The following RPGRIP1L variants were observed in gnomAD, a reference collection of about 807,000 sequenced individuals.
RPGRIP1L encodes RPGRIP1 like.
Under a neutral mutation model 160.4 loss-of-function variants are expected in RPGRIP1L, and 131 were observed. That is an observed-to-expected ratio of 0.82 (90% CI 0.71 to 0.94). RPGRIP1L has a LOEUF of 0.94. RPGRIP1L is among the 40% of genes least tolerant of loss of function. RPGRIP1L has a pLI of 0.00. For synonymous variants in RPGRIP1L, 510 were observed against 515.8 expected, an observed-to-expected ratio of 0.99 and a Z score of 0.15; for missense variants, 1,522 against 1,535.8, an observed-to-expected ratio of 0.99 and a Z score of 0.15.
intron 19 of RPGRIP1L, 87 bp from the exon 20 acceptor site, chr16:53,638,498 C>T: frequency 1.4e-6 from 1 of 724,220 alleles, no homozygotes; most frequent in South Asian, 1.7e-5. Flanking sequence ...TATTGAACTA[C>T]TAAAAATTGG....
At position 53,602,007 on chromosome 16, in the gene RPGRIP1L, A is replaced by G. The variant is rs1963399024; in HGVS notation, c.*69T>C. ...ATTATATACACCAGAGTAATTACAA[A>G]AATCTCATGTAGGAACTTTCATGTG... is the stretch of plus-strand genomic sequence containing the variant. On this transcript the variant is annotated 3_prime_UTR_variant, in exon 27 of 27. Transcript: ENST00000647211. 1 of 924,976 alleles carries G rather than the reference A, an allele frequency of 1.1e-6. No homozygotes were observed. Among genetic ancestry groups the G allele is most frequent in the African/African-American group, 1.6e-5 (1 of 60,656 alleles). 57.3% of individuals were successfully genotyped at this position (924,976 alleles called of 1,614,324 possible).
Position 53,696,145 on chromosome 16 carries a change from CA to C in RPGRIP1L, c.230+5del. On this transcript the variant is annotated splice_donor_5th_base_variant and intron_variant, in intron 3 of 26. Coordinates refer to ENST00000647211, the MANE Select transcript of RPGRIP1L (RefSeq NM_015272.5). ...AGAAAAAAAGCTAAAAGCTTTTTAT[CA>C]TAACCTTTTAATTTTATCCTCCTGC... The C allele has an allele frequency of 6.2e-6, 10 of 1,613,396 alleles. No homozygotes were observed. The highest frequency in any genetic ancestry group is 8.5e-6 in the Non-Finnish European group (10 of 1,179,678).
chr16:53,673,722 A>G (rs1417912364), intron 7 of RPGRIP1L, among the ~76,000 whole-genome samples: 2 of 152,058 alleles, frequency 1.3e-5, no homozygotes, highest in African/African-American at 4.8e-5. Context: ...TAAATGACAC[A>G]TGGCTATTGA....
At position 53,601,059 on chromosome 16, in the gene RPGRIP1L, T is replaced by C. The variant is rs1047358399; in HGVS notation, c.*1017A>G. 3.3e-5 allele frequency: 5 copies of C among 152,630 alleles called. No homozygotes were observed. Among genetic ancestry groups the C allele is most frequent in the Non-Finnish European group, 5.9e-5 (4 of 68,034 alleles). 9.5% of individuals were successfully genotyped at this position (152,630 alleles called of 1,614,324 possible). On this transcript the variant is annotated 3_prime_UTR_variant, in exon 27 of 27. Coordinates refer to ENST00000647211, the MANE Select transcript of RPGRIP1L (RefSeq NM_015272.5). ...ATCCTAGACCTCTAGAGACAATTCCTTTGCAGCATTGATTCACAGCTCCAT... is the reference window on the plus strand; with the variant it reads ...ATCCTAGACCTCTAGAGACAATTCCCTTGCAGCATTGATTCACAGCTCCAT...
intron 9 of RPGRIP1L, among the ~76,000 whole-genome samples, chr16:53,670,689 G>T (rs944436447): frequency 3.3e-5 from 5 of 152,170 alleles, no homozygotes; most frequent in East Asian, 1.9e-4. Flanking sequence ...AGAGACAATT[G>T]TAAGTGGACA....
In RPGRIP1L at chr16:53,598,518, C is replaced by T. The variant is rs1040658650; in HGVS notation, c.*3558G>A. 6.6e-6 allele frequency: 1 copy of T among 152,116 alleles called. No individual in the cohort carries two copies. Among genetic ancestry groups the T allele is most frequent in the Non-Finnish European group, 1.5e-5 (1 of 68,014 alleles). The allele number at this position is 152,116 out of a possible 1,614,324, so 9.4% of individuals were successfully genotyped here. On this transcript the variant is annotated 3_prime_UTR_variant, in exon 27 of 27. Coordinates refer to ENST00000647211, the MANE Select transcript of RPGRIP1L (RefSeq NM_015272.5). ...CTTTGAAATGGAAGTGAAAATTCTACCTTGTAAGATAAAAGAGATTAGGAT... is the reference window on the plus strand; with the variant it reads ...CTTTGAAATGGAAGTGAAAATTCTATCTTGTAAGATAAAAGAGATTAGGAT...
At chr16:53,608,629 A>G (rs1963832627) in intron 25 of RPGRIP1L, among the ~76,000 whole-genome samples, 1 of 152,198 alleles carries the variant, frequency 6.6e-6, no homozygotes, top group Non-Finnish European at 1.5e-5. Context: ...TACAATGTCT[A>G]TAACTTTAGA....
chr16:53,626,705 TGAGGCAGGAGAATCGCTTGAACATGG>T lies in RPGRIP1L; in HGVS notation c.3295-4375_3295-4350del, dbSNP rs1383874229. Among the ~76,000 whole-genome samples the T allele has an allele frequency of 6.0e-5, 9 of 150,422 alleles. No individual in the cohort carries two copies. The Admixed American group carries it at 6.0e-4, about 10-fold the overall frequency. ...CTGTAATCCCGGCTACTCGGGAGGCTGAGGCAGGAGAATCGCTTGAACATGGGAGGCAGAGGTTTCAGTGAGGTGAG... is the reference window on the plus strand; with the variant it reads ...CTGTAATCCCGGCTACTCGGGAGGCTGAGGCAGAGGTTTCAGTGAGGTGAG... On this transcript the variant is annotated intron_variant, in intron 22 of 26. Transcript: ENST00000647211.
intron 9 of RPGRIP1L, among the ~76,000 whole-genome samples, chr16:53,669,356 C>T (rs770218348): frequency 1.3e-5 from 2 of 151,914 alleles, no homozygotes; most frequent in Non-Finnish European, 2.9e-5. Context: ...TCATTACACA[C>T]ATTTACTTCC....
At chr16:53,635,789 C>T (rs1193457815) in intron 22 of RPGRIP1L, among the ~76,000 whole-genome samples, 2 of 152,090 alleles carry the variant, frequency 1.3e-5, no homozygotes, top group African/African-American at 2.4e-5. Flanking sequence ...TTTTACTCTA[C>T]TTACATTTAC....
intron 22 of RPGRIP1L, among the ~76,000 whole-genome samples, chr16:53,625,537 G>A (rs376685302): frequency 4.8e-5 from 7 of 146,970 alleles, no homozygotes; most frequent in African/African-American, 1.8e-4. Context: ...GGGCGCCTCC[G>A]CCCGGCAGCC....
intron 6 of RPGRIP1L, among the ~76,000 whole-genome samples, chr16:53,679,541 C>T (rs555997913): frequency 6.8e-6 from 1 of 147,952 alleles, no homozygotes; most frequent in East Asian, 2.4e-4. Context: ...GCTGGGACTA[C>T]AGGCATGTGC....
chr16:53,630,893 C>T (rs1023921707), intron 22 of RPGRIP1L, among the ~76,000 whole-genome samples: 3 of 151,964 alleles, frequency 2.0e-5, no homozygotes, highest in Non-Finnish European at 2.9e-5. Context: ...CCAACACGCC[C>T]GGCTAATTTT....
chr16:53,701,086 T>C (rs1179800745), intron 1 of RPGRIP1L, among the ~76,000 whole-genome samples: 1 of 152,228 alleles, frequency 6.6e-6, no homozygotes, highest in African/African-American at 2.4e-5. Context: ...GCTCTATCAT[T>C]AACAAACTAG....
In RPGRIP1L at chr16:53,598,249, CAAT is replaced by C. The variant is rs1166550540; in HGVS notation, c.*3824_*3826del. On this transcript the variant is annotated 3_prime_UTR_variant, in exon 27 of 27. Coordinates refer to ENST00000647211, the MANE Select transcript of RPGRIP1L (RefSeq NM_015272.5). ...TTCTAGGGATGAAAAAGGTGACTCTCAATAGAGTGAGAAGAGGCAAAAAGCAGA... is the reference window on the plus strand; with the variant it reads ...TTCTAGGGATGAAAAAGGTGACTCTCAGAGTGAGAAGAGGCAAAAAGCAGA... 3.9e-5 allele frequency: 6 copies of C among 152,088 alleles called. 1 individual carries two copies. The highest frequency in any genetic ancestry group is 1.3e-4 in the Admixed American group (2 of 15,264). 9.4% of individuals were successfully genotyped at this position (152,088 alleles called of 1,614,324 possible). A position where few individuals can be genotyped will look rare whatever the true frequency, so the allele number is the denominator to read the frequency against.
At chr16:53,632,031 TTGTAAATGAAATGAAA>T (rs1965551851) in intron 22 of RPGRIP1L, among the ~76,000 whole-genome samples, 2 of 152,186 alleles carry the variant, frequency 1.3e-5, no homozygotes. Context: ...CTCATAAATG[TTGTAAATGAAATGAAA>T]CAAAATGAAG....
In RPGRIP1L at chr16:53,691,307, T is replaced by C. The variant is rs75761378; in HGVS notation, c.529+759A>G. Among the ~76,000 whole-genome samples, 3 of 152,296 alleles carry C rather than the reference T, an allele frequency of 2.0e-5. No individual in the cohort carries two copies. The East Asian group carries it at 5.8e-4, about 29-fold the overall frequency. On this transcript the variant is annotated intron_variant, in intron 4 of 26. Coordinates refer to ENST00000647211, the MANE Select transcript of RPGRIP1L (RefSeq NM_015272.5). ...TTATTGAATTGTGGTTCCATTATAATAAAGTTTCTCTGTGGGTGAAGAGAA... is the reference window on the plus strand; with the variant it reads ...TTATTGAATTGTGGTTCCATTATAACAAAGTTTCTCTGTGGGTGAAGAGAA...
At chr16:53,619,442 C>T (rs1177908639) in intron 23 of RPGRIP1L, among the ~76,000 whole-genome samples, 3 of 152,164 alleles carry the variant, frequency 2.0e-5, no homozygotes, top group Non-Finnish European at 2.9e-5. Context: ...GCAATAGTCT[C>T]CTGATTTACA....
intron 26 of RPGRIP1L, among the ~76,000 whole-genome samples, chr16:53,605,028 A>C (rs552778101): frequency 7.9e-5 from 12 of 152,128 alleles, no homozygotes; most frequent in African/African-American, 2.9e-4. Context: ...AAATACCAAA[A>C]AAATTAGCCG....
Sources: gnomAD v4.1 joint callset for allele counts (sites outside exome capture counted in the v4.1 genomes callset) on GRCh38, gnomAD v4.1.1 for gene constraint, MANE v1.5 for transcripts, NCBI Gene and HGNC (gene_info 2026-07-23, HGNC 2026-07-21) for gene names.